Variants in FOCAD observed in about 807,000 individuals in gnomAD.
FOCAD encodes focadhesin, also known as KIAA1797.
Under a neutral mutation model 225.6 loss-of-function variants are expected in FOCAD, and 198 were observed. The observed-to-expected ratio is 0.88, with a 90% CI of 0.78 to 0.99. The LOEUF is 0.99. Ranked by LOEUF, FOCAD falls within the 50% of genes least tolerant of loss-of-function variation. The probability of loss-of-function intolerance (pLI) is 0.00; values close to 1 mark genes in which losing one functional copy is unlikely to be tolerated. For missense variants in FOCAD, 2,713 were observed against 2,123.6 expected (o/e 1.28, Z -5.46); for synonymous variants, 897 against 755.0 (o/e 1.19, Z -3.08).
intron 28 of FOCAD, among the ~76,000 whole-genome samples, chr9:20,939,875 C>T (rs1277708058): frequency 1.3e-5 from 2 of 150,878 alleles, no homozygotes; most frequent in South Asian, 2.1e-4. Flanking sequence ...TTACATTAGG[C>T]GTATCTCCTA....
intron 18 of FOCAD, among the ~76,000 whole-genome samples, chr9:20,872,070 A>G (rs1170914825): frequency 6.6e-6 from 1 of 152,082 alleles, no homozygotes; most frequent in Admixed American, 6.6e-5. Flanking sequence ...ACCATTATAA[A>G]TACATATAGT....
Position 20,879,735 on chromosome 9 carries a change from C to T in FOCAD, c.2318-2136C>T, listed in dbSNP as rs528422540. 3.9e-4 allele frequency among the ~76,000 whole-genome samples: 59 copies of T among 152,272 alleles called. No homozygotes were observed. In the South Asian group the frequency reaches 0.011, roughly 28 times the overall value. On this transcript the variant is annotated intron_variant, in intron 19 of 43. Transcript: ENST00000338382. ...ATTCTAGTTGCTAACTTAGTATTTA[C>T]GGGAAGATGAAGCTCTATACATCAA...
At chr9:20,861,518 A>T (rs1414019319) in intron 15 of FOCAD, among the ~76,000 whole-genome samples, 1 of 152,234 alleles carries the variant, frequency 6.6e-6, no homozygotes, top group Non-Finnish European at 1.5e-5. Flanking sequence ...ACTGTTTCAC[A>T]GGAAGTATAA....
intron 21 of FOCAD, among the ~76,000 whole-genome samples, chr9:20,905,739 G>C (rs1314772696): frequency 6.6e-6 from 1 of 151,962 alleles, no homozygotes; most frequent in East Asian, 1.9e-4. Context: ...ATAGAGCCTA[G>C]GTTGTAGTTT....
At chr9:20,923,319 T>A (rs752426869) in intron 24 of FOCAD, among the ~76,000 whole-genome samples, 1 of 152,122 alleles carries the variant, frequency 6.6e-6, no homozygotes, top group Non-Finnish European at 1.5e-5. Flanking sequence ...AATCAATAAT[T>A]TTAAATTGGC....
intron 15 of FOCAD, among the ~76,000 whole-genome samples, chr9:20,855,387 T>C (rs1828068701): frequency 6.6e-6 from 1 of 151,660 alleles, no homozygotes; most frequent in Non-Finnish European, 1.5e-5. Flanking sequence ...AAAGCCATGT[T>C]AAGTGTTTTT....
At position 20,923,661 on chromosome 9, in the gene FOCAD, G is replaced by A; in HGVS notation, c.2854G>A (p.Glu952Lys). ...TDEITKAAAK[E>K]SPVVKGNALL... is the part of the protein sequence containing the mutation. ...TGAAATTTTTTTCCTTTTGAACAGG[G>A]AGAGTCCGGTAGTGAAAGGCAATGC... The change falls in exon 25 of 44, where the codon GAG becomes AAG. Residue 952 changes from glutamate (E) to lysine (K), a missense_variant and splice_region_variant. Transcript: ENST00000338382. 10 of 1,613,442 alleles carry A rather than the reference G, an allele frequency of 6.2e-6. No homozygotes were observed. The highest frequency in any genetic ancestry group is 8.5e-6 in the Non-Finnish European group (10 of 1,179,530).
chr9:20,885,851 T>A (rs1454400012), intron 21 of FOCAD, among the ~76,000 whole-genome samples: 3 of 152,170 alleles, frequency 2.0e-5, no homozygotes, highest in African/African-American at 7.2e-5. Flanking sequence ...GTATACAAAT[T>A]AAAATGTATG....
At chr9:20,797,353 G>C (rs1032542263) in intron 11 of FOCAD, among the ~76,000 whole-genome samples, 17 of 152,184 alleles carry the variant, frequency 1.1e-4, no homozygotes, top group African/African-American at 4.1e-4. Context: ...ATTCTGTGAA[G>C]AAAGTCATTG....
chr9:20,907,215 G>A lies in FOCAD; in HGVS notation c.2691G>A (p.Met897Ile). Residue 897 changes from methionine to isoleucine, a missense_variant, in exon 22 of 44, where the codon ATG becomes ATA. Physicochemically the swap from Met to Ile is conservative, Grantham distance 10 (BLOSUM62 1). Coordinates refer to ENST00000338382, the MANE Select transcript of FOCAD (RefSeq NM_001375567.1). ...TTCCACAGGCCTGGCTTGCATACAT[G>A]AATCGAGCTTATCATGCCATTTTAC... ...IFLPQAWLAYMNRAYHAILQG... is the reference protein window; with the variant it reads ...IFLPQAWLAYINRAYHAILQG... 1.9e-6 allele frequency: 3 copies of A among 1,613,166 alleles called. No homozygotes were observed. Among genetic ancestry groups the A allele is most frequent in the Non-Finnish European group, 2.5e-6 (3 of 1,179,460 alleles).
At chr9:20,967,011 C>T (rs1839325242) in intron 35 of FOCAD, among the ~76,000 whole-genome samples, 1 of 151,824 alleles carries the variant, frequency 6.6e-6, no homozygotes, top group East Asian at 1.9e-4. Flanking sequence ...TTTGGGGCCC[C>T]TTGCAATTCC....
intron 18 of FOCAD, among the ~76,000 whole-genome samples, chr9:20,867,985 C>G (rs1247220183): frequency 6.7e-6 from 1 of 149,790 alleles, no homozygotes; most frequent in Admixed American, 6.6e-5. Context: ...GTTGTAAAAC[C>G]AATTCCTAAG....
chr9:20,806,007 A>G (rs528214823), intron 11 of FOCAD, among the ~76,000 whole-genome samples: 1 of 152,278 alleles, frequency 6.6e-6, no homozygotes. Flanking sequence ...CTAAGAGCTA[A>G]TGAATCCTCA....
intron 7 of FOCAD, among the ~76,000 whole-genome samples, chr9:20,768,166 T>C (rs996317065): frequency 4.0e-5 from 6 of 148,642 alleles, no homozygotes; most frequent in Non-Finnish European, 7.5e-5. Context: ...GAGGGCTCTG[T>C]TCTGTTCCAT....
intron 36 of FOCAD, among the ~76,000 whole-genome samples, 175 bp downstream of exon 36, chr9:20,976,723 G>T (rs992010160): frequency 7.9e-5 from 12 of 152,156 alleles, no homozygotes; most frequent in African/African-American, 2.9e-4. Context: ...GCCCCTGAGG[G>T]TGAGGAAGAA....
At chr9:20,784,237 T>C (rs1325945212) in intron 10 of FOCAD, among the ~76,000 whole-genome samples, 1 of 152,188 alleles carries the variant, frequency 6.6e-6, no homozygotes, top group Non-Finnish European at 1.5e-5. Flanking sequence ...TGTATGTCCC[T>C]AGCAGCCATG....
intron 14 of FOCAD, among the ~76,000 whole-genome samples, chr9:20,822,084 G>GA: frequency 6.7e-6 from 1 of 148,652 alleles, no homozygotes; most frequent in East Asian, 2.0e-4. Context: ...TATTGGCATG[G>GA]AAAAAAATTC....
chr9:20,907,304 C>T (rs1358444190), intron 22 of FOCAD, 62 bp downstream of exon 22: 3 of 1,346,986 alleles, frequency 2.2e-6, no homozygotes, highest in African/African-American at 1.5e-5. Flanking sequence ...TGTTTTGCTA[C>T]AAATGTGTAT....
intron 5 of FOCAD, among the ~76,000 whole-genome samples, chr9:20,746,333 G>C (rs1225492420): frequency 6.6e-6 from 1 of 152,212 alleles, no homozygotes; most frequent in African/African-American, 2.4e-5. Flanking sequence ...AGAGTGGCTG[G>C]AGTTTAGTGC....
Sources: allele counts gnomAD v4.1 joint callset (sites outside exome capture counted in the v4.1 genomes callset), GRCh38; gene constraint gnomAD v4.1.1; transcripts MANE v1.5; gene names NCBI Gene and HGNC (gene_info 2026-07-23, HGNC 2026-07-21).